Variants in ST6GAL1 observed in about 807,000 individuals in gnomAD.
The protein encoded by ST6GAL1 is ST6 beta-galactoside alpha-2,6-sialyltransferase 1, also known as beta-galactoside alpha-2,6-sialyltransferase 1.
In ST6GAL1, 20 loss-of-function variants were observed where a neutral mutation model predicts 38.0. That is an observed-to-expected ratio of 0.53 (90% CI 0.37 to 0.77). ST6GAL1 has a LOEUF of 0.77. Ranked by LOEUF, ST6GAL1 falls within the 30% of genes least tolerant of loss-of-function variation. ST6GAL1 has a pLI of 0.00. For missense variants in ST6GAL1, 432 were observed against 496.4 expected (o/e 0.87, Z 1.23); for synonymous variants, 196 against 188.2 (o/e 1.04, Z -0.34).
At chr3:186,988,522 C>A (rs950717319) in intron 2 of ST6GAL1, among the ~76,000 whole-genome samples, 2 of 134,104 alleles carry the variant, frequency 1.5e-5, no homozygotes, top group African/African-American at 5.7e-5. Flanking sequence ...GCTGTAGGCT[C>A]CAAATACCAA....
At chr3:186,981,371 A>T (rs1412239943) in intron 2 of ST6GAL1, among the ~76,000 whole-genome samples, 1 of 152,202 alleles carries the variant, frequency 6.6e-6, no homozygotes, top group Admixed American at 6.5e-5. Flanking sequence ...TGGTTTGCTT[A>T]TGTAGAAGCT....
At chr3:186,987,190 GGGAGGGAGGGAA>G (rs904511689) in intron 2 of ST6GAL1, among the ~76,000 whole-genome samples, 11 of 120,758 alleles carry the variant, frequency 9.1e-5, no homozygotes, top group Non-Finnish European at 1.7e-4. Context: ...CAGGGAGGGA[GGGAGGGAGGGAA>G]GGAAAGAAAA....
chr3:186,940,988 G>C (rs1363754936), intron 1 of ST6GAL1, among the ~76,000 whole-genome samples: 2 of 152,202 alleles, frequency 1.3e-5, no homozygotes, highest in Non-Finnish European at 2.9e-5. Flanking sequence ...GATGGTGAGA[G>C]AGTGGGCACA....
chr3:187,036,603 A>G (rs1352936612), intron 2 of ST6GAL1, among the ~76,000 whole-genome samples: 1 of 152,212 alleles, frequency 6.6e-6, no homozygotes, highest in Non-Finnish European at 1.5e-5. Context: ...TTGCAGCAAC[A>G]TGGATGCAGC....
chr3:186,935,278 A>G (rs1371701164), intron 1 of ST6GAL1, among the ~76,000 whole-genome samples: 5 of 152,126 alleles, frequency 3.3e-5, no homozygotes, highest in Non-Finnish European at 7.3e-5. Flanking sequence ...CTGCTCCTGC[A>G]TTAGTTTGCT....
intron 2 of ST6GAL1, among the ~76,000 whole-genome samples, chr3:187,023,297 A>C (rs1322242539): frequency 1.3e-5 from 2 of 152,164 alleles, no homozygotes; most frequent in African/African-American, 4.8e-5. Flanking sequence ...AATTGTCTGC[A>C]TATCAGTTAT....
At chr3:187,016,862 C>T (rs1717132348) in intron 2 of ST6GAL1, among the ~76,000 whole-genome samples, 1 of 152,132 alleles carries the variant, frequency 6.6e-6, no homozygotes, top group Non-Finnish European at 1.5e-5. Flanking sequence ...CATTTGGTGA[C>T]CAAAGACAAG....
chr3:186,955,218 G>A (rs1404848195), intron 1 of ST6GAL1, among the ~76,000 whole-genome samples: 1 of 152,216 alleles, frequency 6.6e-6, no homozygotes. Flanking sequence ...GTACCATGCT[G>A]TTTTGGTTAC....
At chr3:187,065,642 AAGAAGACC>A (rs1719077366) in intron 5 of ST6GAL1, among the ~76,000 whole-genome samples, 1 of 152,244 alleles carries the variant, frequency 6.6e-6, no homozygotes, top group Non-Finnish European at 1.5e-5. Flanking sequence ...ACAATGGGAC[AAGAAGACC>A]CAGTGGCTTC....
At chr3:187,039,192 G>C (rs917109407) in intron 3 of ST6GAL1, among the ~76,000 whole-genome samples, 4 of 152,314 alleles carry the variant, frequency 2.6e-5, no homozygotes, top group African/African-American at 9.6e-5. Flanking sequence ...GGTGGGTCGG[G>C]ACAGGATTTC....
intron 2 of ST6GAL1, among the ~76,000 whole-genome samples, chr3:187,005,845 G>A (rs1716768585): frequency 6.6e-6 from 1 of 152,184 alleles, no homozygotes; most frequent in Admixed American, 6.5e-5. Context: ...TCAGAGGGCT[G>A]TGGGAGCACA....
intron 1 of ST6GAL1, among the ~76,000 whole-genome samples, chr3:186,935,338 T>C (rs1002072650): frequency 6.6e-6 from 1 of 152,000 alleles, no homozygotes; most frequent in African/African-American, 2.4e-5. Flanking sequence ...GGATATGATC[T>C]CATTCTTTTT....
intron 2 of ST6GAL1, among the ~76,000 whole-genome samples, chr3:187,003,428 G>A (rs1190758082): frequency 6.6e-6 from 1 of 152,150 alleles, no homozygotes; most frequent in African/African-American, 2.4e-5. Flanking sequence ...ACTCTGTGGC[G>A]CAGTCCAGTT....
At chr3:186,994,120 A>C (rs1560154916) in intron 2 of ST6GAL1, among the ~76,000 whole-genome samples, 1 of 152,154 alleles carries the variant, frequency 6.6e-6, no homozygotes, top group African/African-American at 2.4e-5. Flanking sequence ...GGAGGAGAAA[A>C]ATATGTCGAT....
intron 1 of ST6GAL1, chr3:186,948,563 G>GTGTC (rs1714465053): frequency 6.5e-6 from 1 of 152,742 alleles, no homozygotes; most frequent in South Asian, 2.1e-4. Flanking sequence ...GTGTGTGTGT[G>GTGTC]TGTGTGTCTG....
chr3:186,937,299 A>C (rs1713996011), intron 1 of ST6GAL1, among the ~76,000 whole-genome samples: 1 of 152,162 alleles, frequency 6.6e-6, no homozygotes, highest in Non-Finnish European at 1.5e-5. Context: ...GAGGGCCTAT[A>C]AAATTTCAGG....
At chr3:187,060,678 A>G (rs962310836) in intron 5 of ST6GAL1, among the ~76,000 whole-genome samples, 9 of 152,212 alleles carry the variant, frequency 5.9e-5, no homozygotes, top group African/African-American at 2.2e-4. Context: ...TGCAGTCAAC[A>G]GGTTTTAATG....
At chr3:186,993,363 G>A (rs193267455) in intron 2 of ST6GAL1, among the ~76,000 whole-genome samples, 89 of 152,208 alleles carry the variant, frequency 5.8e-4, no homozygotes, top group African/African-American at 2.1e-3. Flanking sequence ...TCACCTGTAC[G>A]TCTTTCATTC....
chr3:187,061,167 C>G (rs1718902923), intron 5 of ST6GAL1, among the ~76,000 whole-genome samples: 1 of 151,916 alleles, frequency 6.6e-6, no homozygotes, highest in African/African-American at 2.4e-5. Flanking sequence ...ATGAATTTAA[C>G]CAAGGAGTTG....
Sources: allele counts gnomAD v4.1 joint callset (sites outside exome capture counted in the v4.1 genomes callset), GRCh38; gene constraint gnomAD v4.1.1; transcripts MANE v1.5; gene names NCBI Gene and HGNC (gene_info 2026-07-23, HGNC 2026-07-21).